The following STK32B variants were observed in gnomAD, a reference collection of about 807,000 sequenced individuals.
STK32B encodes the protein serine/threonine-protein kinase 32B.
A neutral mutation model predicts 52.6 loss-of-function variants in STK32B; 43 were observed. The observed-to-expected ratio is 0.82, with a 90% CI of 0.64 to 1.05. The LOEUF (loss-of-function observed/expected upper bound fraction) is 1.05, where lower values mean the gene tolerates loss of function less well. Ranked by LOEUF, STK32B falls within the 50% of genes least tolerant of loss-of-function variation. The probability of loss-of-function intolerance (pLI) is 0.00; values close to 1 mark genes in which losing one functional copy is unlikely to be tolerated. For synonymous variants in STK32B, 238 were observed against 204.3 expected, an observed-to-expected ratio of 1.17 and a Z score of -1.41; for missense variants, 621 against 534.6, an observed-to-expected ratio of 1.16 and a Z score of -1.59.
chr4:5,474,798 C>T lies in STK32B; in HGVS notation c.1106+6728C>T, dbSNP rs181681705. ...TTGTATCCGTAGGTATTTTTATTCC[C>T]GTTTCACAGTCAGCTAAACTGATTA... On this transcript the variant is annotated intron_variant, in intron 11 of 11. Transcript: ENST00000282908. Among the ~76,000 whole-genome samples the T allele has an allele frequency of 7.1e-4, 108 of 152,224 alleles. No homozygotes were observed. The Middle Eastern group carries it at 0.017, about 24-fold the overall frequency.
At chr4:5,450,705 A>G (rs145545508) in intron 7 of STK32B, among the ~76,000 whole-genome samples, 2 of 152,324 alleles carry the variant, frequency 1.3e-5, no homozygotes, top group East Asian at 1.9e-4. Flanking sequence ...TATCTACCCA[A>G]TAGGATTGCT....
At chr4:5,089,955 G>C (rs866804380) in intron 1 of STK32B, among the ~76,000 whole-genome samples, 7 of 152,230 alleles carry the variant, frequency 4.6e-5, no homozygotes, top group Middle Eastern at 3.4e-3. Flanking sequence ...TTGCATTTCT[G>C]TGATGATCAG....
chr4:5,208,678 C>T (rs555105324), intron 3 of STK32B, among the ~76,000 whole-genome samples: 1 of 152,096 alleles, frequency 6.6e-6, no homozygotes, highest in South Asian at 2.1e-4. Context: ...CCACCCATGT[C>T]ATCCTCAATG....
intron 3 of STK32B, among the ~76,000 whole-genome samples, chr4:5,176,962 C>T (rs1719951862): frequency 6.6e-6 from 1 of 152,176 alleles, no homozygotes; most frequent in Non-Finnish European, 1.5e-5. Context: ...GCCTCAACTT[C>T]CTCACTTGTC....
intron 3 of STK32B, among the ~76,000 whole-genome samples, chr4:5,294,990 T>C (rs986280801): frequency 1.3e-5 from 2 of 152,190 alleles, no homozygotes; most frequent in African/African-American, 4.8e-5. Context: ...TGAAGTGGTG[T>C]TGAATTTTAT....
chr4:5,076,624 C>T lies in STK32B; in HGVS notation c.52+24709C>T, dbSNP rs555404246. On this transcript the variant is annotated intron_variant, in intron 1 of 11. Coordinates refer to ENST00000282908, the MANE Select transcript of STK32B (RefSeq NM_018401.3). ...TGCATATTCACAAGGCTGATCTATA[C>T]CAATATAATCTGCATTTCGCATCTT... 7.9e-4 allele frequency among the ~76,000 whole-genome samples: 120 copies of T among 152,188 alleles called. No individual in the cohort carries two copies. In the Middle Eastern group the frequency reaches 0.01, roughly 13 times the overall value.
In STK32B at chr4:5,456,814, A is replaced by T. The variant is rs1315433083; in HGVS notation, c.674A>T (p.Tyr225Phe). Residue 225 changes from tyrosine to phenylalanine, a missense_variant, in exon 8 of 12, where the codon TAC becomes TTC. Coordinates refer to ENST00000282908, the MANE Select transcript of STK32B (RefSeq NM_018401.3). ...GTTGTTCTTTGATTGCAGAGGCCGTACGAAATCCACTCGGTCACGCCCATC... is the reference window on the plus strand; with the variant it reads ...GTTGTTCTTTGATTGCAGAGGCCGTTCGAAATCCACTCGGTCACGCCCATC... ...AYELLRGWRP[Y>F]EIHSVTPIDE... is the part of the protein sequence containing the mutation. The T allele has an allele frequency of 1.3e-6, 2 of 1,579,456 alleles. No homozygotes were observed. Among genetic ancestry groups the T allele is most frequent in the Non-Finnish European group, 1.7e-6 (2 of 1,159,084 alleles).
chr4:5,416,276 A>G (rs769922889), intron 5 of STK32B, among the ~76,000 whole-genome samples: 1 of 150,504 alleles, frequency 6.6e-6, no homozygotes, highest in Non-Finnish European at 1.5e-5. Flanking sequence ...CTTCCTTGTC[A>G]TGTTTCTTGA....
At chr4:5,293,015 C>T (rs545968481) in intron 3 of STK32B, among the ~76,000 whole-genome samples, 1 of 152,150 alleles carries the variant, frequency 6.6e-6, no homozygotes, top group South Asian at 2.1e-4. Context: ...TTGTTCAGCT[C>T]CCACTTATAA....
At chr4:5,027,640 T>C in the STK32B span, among the ~76,000 whole-genome samples, 1 of 149,438 alleles carries the variant, frequency 6.7e-6, no homozygotes, top group East Asian at 1.9e-4. Context: ...TGGTTTTGGT[T>C]TTTGTTCTTT....
At chr4:5,172,704 G>C in intron 3 of STK32B, among the ~76,000 whole-genome samples, 1 of 151,890 alleles carries the variant, frequency 6.6e-6, no homozygotes, top group Non-Finnish European at 1.5e-5. Flanking sequence ...TGCTGGATTC[G>C]GTTTGCCAGT....
chr4:5,376,227 G>A (rs1349077904), intron 4 of STK32B, among the ~76,000 whole-genome samples: 2 of 152,184 alleles, frequency 1.3e-5, no homozygotes, highest in African/African-American at 2.4e-5. Flanking sequence ...TTTTAAACAC[G>A]TGCTATAGGA....
chr4:5,128,573 C>A (rs371075161), intron 1 of STK32B, among the ~76,000 whole-genome samples: 2 of 152,128 alleles, frequency 1.3e-5, no homozygotes, highest in Admixed American at 1.3e-4. Flanking sequence ...TTACAAAACA[C>A]ATTAATCAAC....
At chr4:5,321,360 A>G (rs967481024) in intron 3 of STK32B, among the ~76,000 whole-genome samples, 6 of 152,194 alleles carry the variant, frequency 3.9e-5, no homozygotes, top group African/African-American at 9.7e-5. Context: ...CTTTCATTCA[A>G]TGCCCCTTGT....
chr4:5,338,541 T>C (rs1732858530), intron 4 of STK32B, among the ~76,000 whole-genome samples: 2 of 152,106 alleles, frequency 1.3e-5, no homozygotes, highest in South Asian at 2.1e-4. Flanking sequence ...GTGCAATAGA[T>C]AGATGATCCA....
At chr4:5,478,396 C>T (rs1415968678) in intron 11 of STK32B, among the ~76,000 whole-genome samples, 1 of 152,154 alleles carries the variant, frequency 6.6e-6, no homozygotes, top group Non-Finnish European at 1.5e-5. Context: ...CAGGGTTTGG[C>T]TGAATCCAAC....
At chr4:5,333,252 G>A (rs1320245741) in intron 4 of STK32B, among the ~76,000 whole-genome samples, 5 of 151,890 alleles carry the variant, frequency 3.3e-5, no homozygotes, top group Non-Finnish European at 5.9e-5. Context: ...GCCAGTGATG[G>A]TGAGCATTTG....
chr4:5,451,495 T>G lies in STK32B; in HGVS notation c.666+4719T>G, dbSNP rs78243115. On this transcript the variant is annotated intron_variant, in intron 7 of 11. Transcript: ENST00000282908. ...GACAGCACAGTGGTCATATTATACA[T>G]AGAACCACATATGTCTGGGTTCAAA... Among the ~76,000 whole-genome samples, 1,210 of 152,310 alleles carry G rather than the reference T, an allele frequency of 7.9e-3. 23 individuals are homozygous for G. Among genetic ancestry groups the G allele is most frequent in the African/African-American group, 0.027 (1,130 of 41,560 alleles).
At chr4:5,301,283 G>C (rs1309212771) in intron 3 of STK32B, among the ~76,000 whole-genome samples, 1 of 152,068 alleles carries the variant, frequency 6.6e-6, no homozygotes, top group Non-Finnish European at 1.5e-5. Flanking sequence ...ATGCTTGCTA[G>C]AAAGCATCGG....
Sources: allele counts gnomAD v4.1 joint callset (sites outside exome capture counted in the v4.1 genomes callset), GRCh38; gene constraint gnomAD v4.1.1; transcripts MANE v1.5; gene names NCBI Gene and HGNC (gene_info 2026-07-23, HGNC 2026-07-21).